CEP192: variants seen among roughly 807,000 people sequenced by gnomAD.
The protein encoded by CEP192 is centrosomal protein of 192 kDa.
CEP192 carries 151 observed loss-of-function variants against 271.8 expected under a neutral mutation model. The observed-to-expected ratio is 0.56, with a 90% CI of 0.49 to 0.64. The LOEUF (loss-of-function observed/expected upper bound fraction) is 0.64. Ranked by LOEUF, CEP192 falls within the 30% of genes least tolerant of loss-of-function variation. CEP192 has a pLI of 0.00. For synonymous variants in CEP192, 995 were observed against 1,076.5 expected (o/e 0.92, Z 1.48); for missense variants, 2,910 against 3,020.5 (o/e 0.96, Z 0.86).
chr18:13,067,639 T>C (rs1330152900), intron 21 of CEP192, among the ~76,000 whole-genome samples, 192 bp from the exon 22 acceptor site: 1 of 152,224 alleles, frequency 6.6e-6, no homozygotes, highest in Non-Finnish European at 1.5e-5. Flanking sequence ...GTACATAGAC[T>C]ACCTCAAAAG....
intron 9 of CEP192, among the ~76,000 whole-genome samples, chr18:13,022,075 C>A (rs878950896): frequency 6.6e-6 from 1 of 151,824 alleles, no homozygotes; most frequent in African/African-American, 2.4e-5. Flanking sequence ...TTTTGAGATT[C>A]ATTTTTTTGC....
chr18:13,106,254 A>G (rs2039939796), intron 40 of CEP192, among the ~76,000 whole-genome samples: 1 of 151,918 alleles, frequency 6.6e-6, no homozygotes. Context: ...CACTACCATC[A>G]CCGTCTCCCA....
intron 4 of CEP192, among the ~76,000 whole-genome samples, chr18:13,011,100 G>A (rs527561007): frequency 5.3e-5 from 8 of 151,560 alleles, no homozygotes; most frequent in Non-Finnish European, 8.8e-5. Context: ...GGTGGCGGGC[G>A]CCTGTAGTCC....
intron 13 of CEP192, among the ~76,000 whole-genome samples, chr18:13,039,918 A>G (rs1312691364): frequency 1.3e-5 from 2 of 152,226 alleles, no homozygotes; most frequent in Admixed American, 1.3e-4. Context: ...GAAAAGGGCA[A>G]GAATTCAAGA....
intron 27 of CEP192, among the ~76,000 whole-genome samples, chr18:13,070,478 G>A (rs1041827366): frequency 1.3e-5 from 2 of 152,162 alleles, no homozygotes; most frequent in Non-Finnish European, 2.9e-5. Flanking sequence ...CAGCTATTAA[G>A]ATATCTTTCT....
intron 20 of CEP192, 54 bp from the exon 21 acceptor site, chr18:13,059,028 C>T (rs1488085432): frequency 8.8e-7 from 1 of 1,130,932 alleles, no homozygotes; most frequent in Admixed American, 1.8e-5. Context: ...GGTGATTCTA[C>T]TTGATTTTCA....
rs181300003 is a variant in CEP192, at chr18:13,076,133, G to C, written c.5616+2948G>C. ...AGTTCCCACCACAAAGAATCATACAGCTCAACATTTCAGTAGCACTGAGGT... is the reference window on the plus strand; with the variant it reads ...AGTTCCCACCACAAAGAATCATACACCTCAACATTTCAGTAGCACTGAGGT... On this transcript the variant is annotated intron_variant, in intron 30 of 44. Transcript: ENST00000506447. Among the ~76,000 whole-genome samples, 6 of 152,314 alleles carry C rather than the reference G, an allele frequency of 3.9e-5. No homozygotes were observed. The East Asian group carries it at 1.2e-3, about 29-fold the overall frequency.
At chr18:13,012,412 C>T (rs1189708270) in intron 4 of CEP192, among the ~76,000 whole-genome samples, 2 of 152,222 alleles carry the variant, frequency 1.3e-5, no homozygotes, top group Admixed American at 1.3e-4. Flanking sequence ...TTTTTAGATG[C>T]CATTTGTGCA....
intron 18 of CEP192, among the ~76,000 whole-genome samples, chr18:13,054,341 C>T (rs533230471): frequency 7.2e-5 from 11 of 152,246 alleles, no homozygotes; most frequent in Admixed American, 4.6e-4. Flanking sequence ...CGTGTGTGGA[C>T]GTTGTGGATG....
intron 44 of CEP192, among the ~76,000 whole-genome samples, chr18:13,122,678 T>C (rs1015818632): frequency 6.6e-5 from 10 of 152,188 alleles, no homozygotes; most frequent in African/African-American, 2.4e-4. Context: ...CTGCAGGGAG[T>C]TGGGGGCTGA....
chr18:13,095,431 G>T, intron 34 of CEP192, 72 bp from the exon 35 acceptor site: 1 of 1,091,128 alleles, frequency 9.2e-7, no homozygotes, highest in Non-Finnish European at 1.3e-6. Flanking sequence ...ATACAATCTG[G>T]CCTTTTATCA....
intron 9 of CEP192, among the ~76,000 whole-genome samples, chr18:13,022,572 G>A (rs1437368044): frequency 6.6e-6 from 1 of 151,912 alleles, no homozygotes; most frequent in Admixed American, 6.6e-5. Flanking sequence ...GTAGAGATGA[G>A]GTTTCACCAT....
chr18:13,014,595 A>G (rs1312325816), intron 5 of CEP192, among the ~76,000 whole-genome samples: 2 of 152,140 alleles, frequency 1.3e-5, no homozygotes, highest in African/African-American at 4.8e-5. Flanking sequence ...AGCTGTTAAC[A>G]TTTGCCATAT....
intron 23 of CEP192, 35 bp downstream of exon 23, chr18:13,068,272 T>C (rs757546709): frequency 1.2e-6 from 2 of 1,608,082 alleles, no homozygotes; most frequent in South Asian, 1.1e-5. Context: ...AAAGAGGAAA[T>C]TAAGCTTCTA....
chr18:13,108,557 C>G (rs1434657175), intron 40 of CEP192, among the ~76,000 whole-genome samples: 2 of 152,172 alleles, frequency 1.3e-5, no homozygotes, highest in South Asian at 2.1e-4. Flanking sequence ...AAAAAATGCT[C>G]CACATCATTA....
Position 13,103,536 on chromosome 18 carries a change from G to A in CEP192, c.6899G>A (p.Gly2300Asp), listed in dbSNP as rs756371806. The change falls in exon 39 of 45, where the codon GGC becomes GAC. Residue 2300 changes from glycine (G) to aspartate (D), a missense_variant. Transcript: ENST00000506447. Reference protein sequence around the residue: ...SESCLELENHGTTDVKWHLSS... With the variant: ...SESCLELENHDTTDVKWHLSS... ...AGCTGTCTAGAACTCGAGAATCATG[G>A]CACCACAGACGTGAAATGGCATCTG... The A allele has an allele frequency of 1.9e-6, 3 of 1,613,922 alleles. No homozygotes were observed. Among genetic ancestry groups the A allele is most frequent in the Non-Finnish European group, 2.5e-6 (3 of 1,179,914 alleles).
At chr18:13,063,223 T>G (rs927545431) in intron 21 of CEP192, among the ~76,000 whole-genome samples, 2 of 152,226 alleles carry the variant, frequency 1.3e-5, no homozygotes, top group Admixed American at 1.3e-4. Context: ...TTCTTTTGGG[T>G]ATCTACCCAG....
intron 9 of CEP192, chr18:13,024,451 G>A: frequency 2.6e-6 from 1 of 378,562 alleles, no homozygotes; most frequent in South Asian, 2.0e-5. Context: ...CAGTTGGTGT[G>A]TTTGTTTGTT....
rs1354400130 is a variant in CEP192, at chr18:13,049,523, G to T, written c.2732G>T (p.Arg911Met). 6.2e-7 allele frequency: 1 copy of T among 1,614,066 alleles called. No individual in the cohort carries two copies. Among genetic ancestry groups the T allele is most frequent in the South Asian group, 1.1e-5 (1 of 91,072 alleles). The change falls in exon 16 of 45, where the codon AGG (arginine) becomes ATG (methionine). Residue 911 changes from arginine (R) to methionine (M), a missense_variant. Transcript: ENST00000506447. ...CCATCTGATAGTTATTCATCAGTGA[G>T]GAACCCCAGAATAACATCCCTTTGT... ...STPSDSYSSV[R>M]NPRITSLCLL...
Sources: allele counts gnomAD v4.1 joint callset (sites outside exome capture counted in the v4.1 genomes callset), GRCh38; gene constraint gnomAD v4.1.1; transcripts MANE v1.5; gene names NCBI Gene and HGNC (gene_info 2026-07-23, HGNC 2026-07-21).